Variants in ARHGAP39 observed in about 807,000 individuals in gnomAD.
The protein encoded by ARHGAP39 is Rho GTPase activating protein 39.
A neutral mutation model predicts 106.9 loss-of-function variants in ARHGAP39; 44 were observed. The ratio of observed to expected loss-of-function variants is 0.41; its 90% CI spans 0.32 to 0.53. The LOEUF (loss-of-function observed/expected upper bound fraction) is 0.53. Among genes scored for constraint, ARHGAP39 ranks in the 20% least tolerant of loss-of-function variants. ARHGAP39 has a pLI of 0.21. For synonymous variants in ARHGAP39, 768 were observed against 693.2 expected (o/e 1.11, Z -1.69); for missense variants, 1,496 against 1,577.3 (o/e 0.95, Z 0.87).
In ARHGAP39 at chr8:144,545,517, C is replaced by T. The variant is rs1159384018; in HGVS notation, c.2253G>A (p.Gln751=). 6.2e-7 allele frequency: 1 copy of T among 1,613,276 alleles called. No individual in the cohort carries two copies. The highest frequency in any genetic ancestry group is 2.2e-5 in the East Asian group (1 of 44,852). The change falls in exon 6 of 12, where the codon CAG becomes CAA. Residue 751 remains glutamine (Q), a synonymous_variant. Transcript: ENST00000377307. ...TGGCCCGCCGGTCACCCATGTACAT[C>T]TGGATCAGCTTGAAGAGCTCGCAGG... is the stretch of plus-strand genomic sequence containing the variant. ...KEACELFKLI[Q]MYMGDRRAKA...
At chr8:144,698,158 T>C in the ARHGAP39 span, among the ~76,000 whole-genome samples, 12 of 152,016 alleles carry the variant, frequency 7.9e-5, no homozygotes, top group East Asian at 1.9e-3. Context: ...AATAAGGGAG[T>C]TCTAGTTCTA....
chr8:144,583,104 C>G (rs1311935503), intron 2 of ARHGAP39, among the ~76,000 whole-genome samples: 1 of 152,150 alleles, frequency 6.6e-6, no homozygotes, highest in Non-Finnish European at 1.5e-5. Flanking sequence ...TCCGTGCTTT[C>G]CCTTCTCAGC....
At chr8:144,562,739 C>T (rs560898174) in intron 3 of ARHGAP39, among the ~76,000 whole-genome samples, 79 of 151,692 alleles carry the variant, frequency 5.2e-4, no homozygotes, top group Non-Finnish European at 8.5e-4. Flanking sequence ...TGGTTTCCAT[C>T]GCACCCCAGT....
At chr8:144,572,498 A>T (rs1818621484) in intron 3 of ARHGAP39, among the ~76,000 whole-genome samples, 1 of 152,248 alleles carries the variant, frequency 6.6e-6, no homozygotes, top group Admixed American at 6.5e-5. Context: ...AAAGACTTAC[A>T]TATTAGACCT....
chr8:144,606,041 G>T (rs113998649), intron 1 of ARHGAP39, among the ~76,000 whole-genome samples: 3,295 of 152,328 alleles, frequency 0.022, 112 homozygotes, highest in African/African-American at 0.076. Context: ...ACTGGGAGGA[G>T]GGCGAACAGG....
intron 2 of ARHGAP39, among the ~76,000 whole-genome samples, chr8:144,599,213 T>C (rs746931860): frequency 6.6e-6 from 1 of 152,184 alleles, no homozygotes; most frequent in Non-Finnish European, 1.5e-5. Context: ...CCCAGAATTA[T>C]ACAAGCAGAC....
At chr8:144,654,773 T>TGCTGCAGCCACCCAAGTTGTG (rs1189039921) in intron 1 of ARHGAP39, among the ~76,000 whole-genome samples, 7 of 151,986 alleles carry the variant, frequency 4.6e-5, no homozygotes, top group Admixed American at 4.6e-4. Flanking sequence ...TCCTGGGTGG[T>TGCTGCAGCCACCCAAGTTGTG]GCTGCAGCCA....
At chr8:144,667,521 G>T (rs552048887) in intron 1 of ARHGAP39, among the ~76,000 whole-genome samples, 1 of 152,190 alleles carries the variant, frequency 6.6e-6, no homozygotes, top group Non-Finnish European at 1.5e-5. Context: ...AGAGAGCAGG[G>T]GCTTGGCCTG....
At chr8:144,568,285 G>C (rs1818472280) in intron 3 of ARHGAP39, among the ~76,000 whole-genome samples, 1 of 115,616 alleles carries the variant, frequency 8.6e-6, no homozygotes, top group Non-Finnish European at 1.6e-5. Flanking sequence ...AGTGAGCCGA[G>C]ATCACACCAC....
At chr8:144,590,070 C>A (rs1819333564) in intron 2 of ARHGAP39, among the ~76,000 whole-genome samples, 1 of 152,246 alleles carries the variant, frequency 6.6e-6, no homozygotes, top group Admixed American at 6.5e-5. Context: ...CTGCAGAACA[C>A]AAGGCCAGCT....
At chr8:144,631,976 C>G (rs1821073518) in intron 1 of ARHGAP39, among the ~76,000 whole-genome samples, 1 of 152,186 alleles carries the variant, frequency 6.6e-6, no homozygotes, top group Non-Finnish European at 1.5e-5. Flanking sequence ...GGCCATGATT[C>G]TGAGCCCTCA....
chr8:144,537,706 G>T lies in ARHGAP39; in HGVS notation c.2614+15C>A. 1 of 1,612,270 alleles carries T rather than the reference G, an allele frequency of 6.2e-7. No individual in the cohort carries two copies. The highest frequency in any genetic ancestry group is 1.1e-5 in the South Asian group (1 of 91,038). ...TGCAGACGCCGCGCCCAGGGGCTGC[G>T]GGGAGAGGCCCTACCATCCGGCTCT... On this transcript the variant is annotated intron_variant, in intron 7 of 11. Transcript: ENST00000377307.
At chr8:144,530,949 C>T in intron 10 of ARHGAP39, 78 bp from the exon 11 acceptor site, 1 of 1,490,042 alleles carries the variant, frequency 6.7e-7, no homozygotes, top group Non-Finnish European at 9.0e-7. Flanking sequence ...GGCGGACATG[C>T]ATGGAGGGGT....
At chr8:144,653,964 C>T (rs764287839) in intron 1 of ARHGAP39, among the ~76,000 whole-genome samples, 12 of 152,210 alleles carry the variant, frequency 7.9e-5, no homozygotes, top group Admixed American at 2.6e-4. Context: ...CCAGACCACG[C>T]GGACAGAGCC....
At chr8:144,606,230 C>G (rs1010785154) in intron 1 of ARHGAP39, among the ~76,000 whole-genome samples, 1 of 152,214 alleles carries the variant, frequency 6.6e-6, no homozygotes, top group Non-Finnish European at 1.5e-5. Flanking sequence ...CTTCCAACAA[C>G]AATGCTGTGT....
chr8:144,571,017 G>A (rs766893327), intron 3 of ARHGAP39, among the ~76,000 whole-genome samples: 1 of 152,114 alleles, frequency 6.6e-6, no homozygotes, highest in Admixed American at 6.6e-5. Flanking sequence ...AAAAGTCCAG[G>A]ACCAGACGGA....
At position 144,548,195 on chromosome 8, in the gene ARHGAP39, C is replaced by T. The variant is rs762723849; in HGVS notation, c.891G>A (p.Gly297=). The part of the protein sequence containing the change: ...PLLAQPRKPS[G]DSQPSSPRYG... ...AGCGCGGGGAGGAGGGCTGCGAGTC[C>T]CCGGAGGGCTTTCGGGGCTGGGCCA... Residue 297 remains glycine, a synonymous_variant, in exon 5 of 12, where the codon GGG becomes GGA. Transcript: ENST00000377307. The surrounding 1 kb of genome is among the most constrained non-coding windows in gnomAD (Gnocchi z 7.4). 5 of 1,587,978 alleles carry T rather than the reference C, an allele frequency of 3.1e-6. No homozygotes were observed. The highest frequency in any genetic ancestry group is 3.4e-6 in the Non-Finnish European group (4 of 1,166,218).
upstream of ARHGAP39, among the ~76,000 whole-genome samples, chr8:144,685,872 A>T (rs1191124515): frequency 2.0e-5 from 3 of 148,600 alleles, no homozygotes. Flanking sequence ...TCCCGTCACC[A>T]AGCGCAACCC....
At chr8:144,620,782 G>A (rs7016679) in intron 1 of ARHGAP39, among the ~76,000 whole-genome samples, 58,210 of 152,166 alleles carry the variant, frequency 0.38, 11,288 homozygotes, top group African/African-American at 0.46. Context: ...TCCAGGACAG[G>A]CGCCTACGTG....
Sources: allele counts gnomAD v4.1 joint callset (sites outside exome capture counted in the v4.1 genomes callset), GRCh38; gene constraint gnomAD v4.1.1; non-coding constraint Gnocchi (gnomAD v3.1); transcripts MANE v1.5; gene names NCBI Gene and HGNC (gene_info 2026-07-23, HGNC 2026-07-21).